Variants in KCND2 observed in about 807,000 individuals in gnomAD.
KCND2 encodes A-type voltage-gated potassium channel KCND2.
In KCND2, 16 loss-of-function variants were observed where a neutral mutation model predicts 54.4. The ratio of observed to expected loss-of-function variants is 0.29; its 90% CI spans 0.20 to 0.45. The LOEUF is 0.45. Ranked by LOEUF, KCND2 falls within the 20% of genes least tolerant of loss-of-function variation. KCND2 has a pLI of 1.00. For missense variants in KCND2, 486 were observed against 824.2 expected (o/e 0.59, Z 5.02); for synonymous variants, 317 against 310.7 (o/e 1.02, Z -0.21).
At chr7:120,689,426 T>A (rs184476988) in intron 1 of KCND2, among the ~76,000 whole-genome samples, 1 of 152,340 alleles carries the variant, frequency 6.6e-6, no homozygotes, top group African/African-American at 2.4e-5. Context: ...TGGTTCCATC[T>A]CAATAATCTG....
At chr7:120,613,151 C>T (rs1744456966) in intron 1 of KCND2, among the ~76,000 whole-genome samples, 2 of 150,726 alleles carry the variant, frequency 1.3e-5, no homozygotes, top group African/African-American at 2.4e-5. Context: ...CGCAGTGATT[C>T]AGACAAACAG....
intron 1 of KCND2, among the ~76,000 whole-genome samples, chr7:120,714,601 A>G (rs920729252): frequency 6.6e-6 from 1 of 152,116 alleles, no homozygotes; most frequent in Non-Finnish European, 1.5e-5. Context: ...CACATTTAAT[A>G]TTTATGTCAT....
At chr7:120,474,849 G>T (rs563212945) in intron 1 of KCND2, among the ~76,000 whole-genome samples, 2 of 152,156 alleles carry the variant, frequency 1.3e-5, no homozygotes, top group East Asian at 3.9e-4. Flanking sequence ...GCAGAAGCAT[G>T]ATCATCTTCA....
rs538043031 is a variant in KCND2 at position 120,621,416 on chromosome 7, A to G, written c.1116-111487A>G. Among the ~76,000 whole-genome samples, 4 of 151,622 alleles carry G rather than the reference A, an allele frequency of 2.6e-5. No homozygotes were observed. In the South Asian group the frequency reaches 8.3e-4, roughly 32 times the overall value. On this transcript the variant is annotated intron_variant, in intron 1 of 5. Transcript: ENST00000331113. ...AAACACATTGAAGGATGGGGTGCCA[A>G]TTTTTGCACTGTGCCCATGGTGATA...
intron 1 of KCND2, among the ~76,000 whole-genome samples, chr7:120,710,848 G>T (rs1035197182): frequency 7.2e-5 from 11 of 152,030 alleles, no homozygotes; most frequent in African/African-American, 2.4e-4. Flanking sequence ...ATTCATTCTC[G>T]ATAAGCTCAC....
intron 1 of KCND2, among the ~76,000 whole-genome samples, chr7:120,635,806 G>A (rs1461254458): frequency 6.6e-6 from 1 of 152,130 alleles, no homozygotes; most frequent in Non-Finnish European, 1.5e-5. Context: ...TGTTATCTTT[G>A]ACTTTGAAAA....
At chr7:120,414,509 T>C (rs1801498515) in intron 1 of KCND2, among the ~76,000 whole-genome samples, 1 of 152,196 alleles carries the variant, frequency 6.6e-6, no homozygotes, top group Non-Finnish European at 1.5e-5. Context: ...AATGGTCTTA[T>C]GATAGAGTAA....
At chr7:120,652,549 A>G (rs1791749524) in intron 1 of KCND2, among the ~76,000 whole-genome samples, 1 of 152,236 alleles carries the variant, frequency 6.6e-6, no homozygotes, top group South Asian at 2.1e-4. Context: ...CTCATAATGC[A>G]GAGACTGTGA....
intron 1 of KCND2, among the ~76,000 whole-genome samples, chr7:120,603,000 A>T (rs1033812312): frequency 2.0e-5 from 3 of 152,218 alleles, no homozygotes; most frequent in Non-Finnish European, 2.9e-5. Context: ...ATACAGCACA[A>T]TATTTCCTGG....
chr7:120,438,282 A>G (rs1026131405), intron 1 of KCND2, among the ~76,000 whole-genome samples: 1 of 152,202 alleles, frequency 6.6e-6, no homozygotes, highest in African/African-American at 2.4e-5. Flanking sequence ...AGGTATTATC[A>G]GGAGTTGGCC....
chr7:120,733,714 G>A (rs1325231231), intron 2 of KCND2, among the ~76,000 whole-genome samples: 1 of 152,084 alleles, frequency 6.6e-6, no homozygotes, highest in African/African-American at 2.4e-5. Flanking sequence ...ATCATCTGTA[G>A]CTGAATTTTA....
chr7:120,445,919 C>T (rs563272325), intron 1 of KCND2, among the ~76,000 whole-genome samples: 21 of 152,268 alleles, frequency 1.4e-4, no homozygotes, highest in Admixed American at 6.5e-5. Context: ...TAACCCAAGA[C>T]AGCTTTTCAA....
At chr7:120,722,706 T>C (rs566178345) in intron 1 of KCND2, among the ~76,000 whole-genome samples, 1 of 152,326 alleles carries the variant, frequency 6.6e-6, no homozygotes, top group Admixed American at 6.5e-5. Flanking sequence ...TAATAGCTAA[T>C]GGATTTTAGG....
chr7:120,291,933 C>A (rs961395821), intron 1 of KCND2, among the ~76,000 whole-genome samples: 1 of 151,762 alleles, frequency 6.6e-6, no homozygotes, highest in Non-Finnish European at 1.5e-5. Flanking sequence ...TCCTCCTTTC[C>A]TTCTTTTAAA....
chr7:120,742,569 C>T lies in KCND2; in HGVS notation c.1434C>T (p.His478=). The T allele has an allele frequency of 6.2e-7, 1 of 1,613,576 alleles. No homozygotes were observed. The highest frequency in any genetic ancestry group is 2.2e-5 in the East Asian group (1 of 44,846). Residue 478 remains histidine (H), a synonymous_variant, in exon 4 of 6, where the codon CAC becomes CAT. Coordinates refer to ENST00000331113, the MANE Select transcript of KCND2 (RefSeq NM_012281.3). ...SKSGSSFETQ[H]HHLLHCLEKT... is the part of the protein sequence containing the mutation. Reference sequence around the variant, plus strand: ...CCGGCTCCAGCTTTGAAACCCAGCACCACCACCTGCTTCACTGCCTGGAAA... The same window carrying T: ...CCGGCTCCAGCTTTGAAACCCAGCATCACCACCTGCTTCACTGCCTGGAAA...
At chr7:120,722,338 G>A (rs2116108429) in intron 1 of KCND2, among the ~76,000 whole-genome samples, 1 of 152,230 alleles carries the variant, frequency 6.6e-6, no homozygotes, top group East Asian at 1.9e-4. Flanking sequence ...ACTGCCATCA[G>A]ATCATGTCAA....
intron 1 of KCND2, among the ~76,000 whole-genome samples, chr7:120,635,887 G>T (rs1322343247): frequency 6.6e-6 from 1 of 152,144 alleles, no homozygotes; most frequent in Non-Finnish European, 1.5e-5. Flanking sequence ...ATTCTTAAAT[G>T]ATTTCAAAAC....
At chr7:120,555,848 A>G (rs1792157035) in intron 1 of KCND2, among the ~76,000 whole-genome samples, 1 of 152,230 alleles carries the variant, frequency 6.6e-6, no homozygotes, top group Non-Finnish European at 1.5e-5. Context: ...GAGTATACTT[A>G]TAAATAAACA....
chr7:120,309,474 T>TACACACAC (rs1209573900), intron 1 of KCND2, among the ~76,000 whole-genome samples: 2 of 113,274 alleles, frequency 1.8e-5, no homozygotes, highest in African/African-American at 6.7e-5. Flanking sequence ...TATATATATA[T>TACACACAC]ACACACACAC....
Sources: allele counts gnomAD v4.1 joint callset (sites outside exome capture counted in the v4.1 genomes callset), GRCh38; gene constraint gnomAD v4.1.1; transcripts MANE v1.5; gene names NCBI Gene and HGNC (gene_info 2026-07-23, HGNC 2026-07-21).